NPAS3: variants seen among roughly 807,000 people sequenced by gnomAD.
The protein encoded by NPAS3 is neuronal PAS domain protein 3.
Under a neutral mutation model 73.1 loss-of-function variants are expected in NPAS3, and 14 were observed. The observed-to-expected ratio is 0.19, with a 90% CI of 0.13 to 0.30. The LOEUF (loss-of-function observed/expected upper bound fraction) is 0.30. Among genes scored for constraint, NPAS3 ranks in the 10% least tolerant of loss-of-function variants. NPAS3 has a pLI of 1.00. For missense variants in NPAS3, 1,096 were observed against 1,250.0 expected, an observed-to-expected ratio of 0.88 and a Z score of 1.86; for synonymous variants, 620 against 541.5, an observed-to-expected ratio of 1.14 and a Z score of -2.01.
At chr14:33,633,030 C>A (rs949178659) in intron 5 of NPAS3, among the ~76,000 whole-genome samples, 2 of 152,010 alleles carry the variant, frequency 1.3e-5, no homozygotes, top group African/African-American at 4.8e-5. Flanking sequence ...AATCCCGTAA[C>A]AATAAAAAAT....
chr14:33,167,901 T>G (rs7143798), intron 2 of NPAS3, among the ~76,000 whole-genome samples: 51,563 of 152,066 alleles, frequency 0.34, 9,448 homozygotes, highest in East Asian at 0.59. Context: ...TAGAAGTGAA[T>G]GAGGCAGCTT....
intron 5 of NPAS3, among the ~76,000 whole-genome samples, chr14:33,629,473 CT>C (rs1159715123): frequency 6.6e-6 from 1 of 152,076 alleles, no homozygotes; most frequent in Non-Finnish European, 1.5e-5. Flanking sequence ...CCTGGATATC[CT>C]TTTCTATAGT....
At chr14:33,497,527 G>A (rs539039136) in intron 4 of NPAS3, among the ~76,000 whole-genome samples, 60 of 151,964 alleles carry the variant, frequency 3.9e-4, no homozygotes, top group Admixed American at 9.8e-4. Flanking sequence ...CAGAACAGAC[G>A]CCTCAGAAAT....
intron 3 of NPAS3, among the ~76,000 whole-genome samples, chr14:33,365,416 G>A (rs191751653): frequency 6.6e-6 from 1 of 152,132 alleles, no homozygotes; most frequent in Non-Finnish European, 1.5e-5. Flanking sequence ...ACACACAGTA[G>A]TACTGTCTTA....
intron 4 of NPAS3, among the ~76,000 whole-genome samples, chr14:33,504,323 ATT>A (rs1413681838): frequency 3.3e-5 from 5 of 151,920 alleles, no homozygotes; most frequent in African/African-American, 4.8e-5. Flanking sequence ...AAGGTTTTAT[ATT>A]GCATGTGCTT....
chr14:33,464,322 T>C (rs1391952174), intron 4 of NPAS3, among the ~76,000 whole-genome samples: 1 of 152,156 alleles, frequency 6.6e-6, no homozygotes, highest in Admixed American at 6.5e-5. Context: ...TTTTTTATTT[T>C]CATGGTTCAA....
intron 4 of NPAS3, among the ~76,000 whole-genome samples, chr14:33,463,322 T>A (rs1401104110): frequency 5.3e-5 from 8 of 152,218 alleles, no homozygotes; most frequent in Non-Finnish European, 1.2e-4. Flanking sequence ...TATATTTGTA[T>A]CACCTCAAAT....
intron 3 of NPAS3, among the ~76,000 whole-genome samples, chr14:33,291,123 A>T (rs1416094666): frequency 1.3e-5 from 2 of 152,092 alleles, no homozygotes; most frequent in African/African-American, 4.8e-5. Context: ...TGTAGGTTCA[A>T]TTCACCCTAT....
At chr14:33,668,105 G>T (rs1450307952) in intron 5 of NPAS3, among the ~76,000 whole-genome samples, 1 of 152,114 alleles carries the variant, frequency 6.6e-6, no homozygotes, top group Non-Finnish European at 1.5e-5. Context: ...GCTCCAATCC[G>T]AACAAGATCC....
intron 3 of NPAS3, among the ~76,000 whole-genome samples, chr14:33,271,739 A>C (rs997658745): frequency 1.3e-5 from 2 of 152,154 alleles, no homozygotes; most frequent in Non-Finnish European, 2.9e-5. Flanking sequence ...TTAAATTAGC[A>C]CTTTTCTATC....
intron 3 of NPAS3, among the ~76,000 whole-genome samples, chr14:33,317,805 A>C (rs986347470): frequency 1.1e-4 from 16 of 152,084 alleles, no homozygotes; most frequent in Admixed American, 2.6e-4. Flanking sequence ...CTTTATTAGC[A>C]GCATGAGAAT....
At chr14:33,410,921 C>G (rs571162653) in intron 4 of NPAS3, among the ~76,000 whole-genome samples, 1 of 152,256 alleles carries the variant, frequency 6.6e-6, no homozygotes, top group East Asian at 1.9e-4. Flanking sequence ...GCTGGGATTA[C>G]AGGAGTGAGC....
intron 6 of NPAS3, among the ~76,000 whole-genome samples, chr14:33,694,894 T>C (rs2060332344): frequency 6.6e-6 from 1 of 152,206 alleles, no homozygotes; most frequent in East Asian, 1.9e-4. Context: ...TCTGCTTTTT[T>C]GGTAGAAGCC....
intron 2 of NPAS3, among the ~76,000 whole-genome samples, chr14:33,074,669 C>A (rs756573429): frequency 6.6e-6 from 1 of 152,164 alleles, no homozygotes; most frequent in African/African-American, 2.4e-5. Flanking sequence ...TGCCCACCTT[C>A]GCCTCCCAGT....
At chr14:33,534,944 G>A (rs1413272879) in intron 4 of NPAS3, among the ~76,000 whole-genome samples, 1 of 152,136 alleles carries the variant, frequency 6.6e-6, no homozygotes, top group Non-Finnish European at 1.5e-5. Flanking sequence ...CTGCTTTAAA[G>A]CCACAGGACA....
chr14:33,711,395 G>A (rs2060814306), intron 6 of NPAS3, among the ~76,000 whole-genome samples: 1 of 152,122 alleles, frequency 6.6e-6, no homozygotes, highest in African/African-American at 2.4e-5. Flanking sequence ...CTTTTAAAAT[G>A]CGACCGGACA....
At chr14:33,570,386 T>C (rs916984331) in intron 5 of NPAS3, among the ~76,000 whole-genome samples, 1 of 152,192 alleles carries the variant, frequency 6.6e-6, no homozygotes, top group South Asian at 2.1e-4. Flanking sequence ...CAGTTTTGCA[T>C]GCTTGTGATG....
chr14:33,054,169 C>T (rs1035673345), intron 1 of NPAS3, among the ~76,000 whole-genome samples: 3 of 152,108 alleles, frequency 2.0e-5, no homozygotes, highest in Non-Finnish European at 4.4e-5. Context: ...TAAACCTGGG[C>T]TTCATTTCAA....
chr14:33,244,058 C>G (rs928561776), intron 3 of NPAS3, among the ~76,000 whole-genome samples: 3 of 151,736 alleles, frequency 2.0e-5, no homozygotes, highest in Non-Finnish European at 2.9e-5. Flanking sequence ...GTTTGATTTC[C>G]TATACATGTT....
Sources: allele counts gnomAD v4.1 joint callset (sites outside exome capture counted in the v4.1 genomes callset), GRCh38; gene constraint gnomAD v4.1.1; transcripts MANE v1.5; gene names NCBI Gene and HGNC (gene_info 2026-07-23, HGNC 2026-07-21).